SLC2A12: variants seen among roughly 807,000 people sequenced by gnomAD.
SLC2A12 encodes the protein solute carrier family 2, facilitated glucose transporter member 12.
SLC2A12 carries 23 observed loss-of-function variants against 41.8 expected under a neutral mutation model. That is an observed-to-expected ratio of 0.55 (90% confidence interval 0.40 to 0.78). The LOEUF (loss-of-function observed/expected upper bound fraction) is 0.78. Ranked by LOEUF, SLC2A12 falls within the 30% of genes least tolerant of loss-of-function variation. SLC2A12 has a pLI of 0.00. For synonymous variants in SLC2A12, 295 were observed against 285.9 expected (o/e 1.03, Z -0.32); for missense variants, 654 against 745.6 (o/e 0.88, Z 1.43).
At chr6:134,051,885 T>C (rs1773688868) in intron 1 of SLC2A12, among the ~76,000 whole-genome samples, 1 of 152,216 alleles carries the variant, frequency 6.6e-6, no homozygotes, top group South Asian at 2.1e-4. Context: ...AATAATTTTA[T>C]GAAGCCTGTT....
chr6:134,041,579 A>T (rs995517588), intron 1 of SLC2A12, among the ~76,000 whole-genome samples: 14 of 131,210 alleles, frequency 1.1e-4, no homozygotes, highest in African/African-American at 3.6e-4. Flanking sequence ...AGAAATTCTG[A>T]CCCTCAGAGA....
In SLC2A12 at chr6:133,997,933, C is replaced by T. The variant is rs982606999; in HGVS notation, c.1700+4064G>A. ...AAAATGTAAAATTGTTTTGCCATCT[C>T]ATCTTTCATAATTGCCTTTATTTTT... On this transcript the variant is annotated intron_variant, in intron 4 of 4. Transcript: ENST00000275230. 2.6e-5 allele frequency among the ~76,000 whole-genome samples: 4 copies of T among 152,184 alleles called. No individual in the cohort carries two copies. The East Asian group carries it at 7.7e-4, about 29-fold the overall frequency.
rs1562199812 is a variant in SLC2A12, at chr6:134,028,717, T to C, written c.1108A>G (p.Met370Val). Reference sequence around the variant, plus strand: ...CTTCTGCAGATATGGGTGAAGTTCATGTGGATGTTGAGATTTACGATGCCC... The same window carrying C: ...CTTCTGCAGATATGGGTGAAGTTCACGTGGATGTTGAGATTTACGATGCCC... The part of the protein sequence containing the change: ...TMGIVNLNIH[M>V]NFTHICRSHN... The change falls in exon 2 of 5, where the codon ATG becomes GTG. Residue 370 changes from methionine to valine, a missense_variant. Physicochemically the swap from Met to Val is conservative, Grantham distance 21. This residue lies in a region of SLC2A12 where 411 missense variants were observed against 412.1 expected (regional missense o/e 1.00). Coordinates refer to ENST00000275230, the MANE Select transcript of SLC2A12 (RefSeq NM_145176.3). 1 of 1,614,162 alleles carries C rather than the reference T, an allele frequency of 6.2e-7. No individual in the cohort carries two copies. Among genetic ancestry groups the C allele is most frequent in the Non-Finnish European group, 8.5e-7 (1 of 1,180,012 alleles).
chr6:133,998,336 G>A (rs229904), intron 4 of SLC2A12, among the ~76,000 whole-genome samples: 119,496 of 152,146 alleles, frequency 0.79, 47,343 homozygotes, highest in East Asian at 0.91. Context: ...ATACAATCTG[G>A]CAACCCTATA....
chr6:133,996,414 T>C (rs1776686901), intron 4 of SLC2A12, among the ~76,000 whole-genome samples: 1 of 152,252 alleles, frequency 6.6e-6, no homozygotes, highest in African/African-American at 2.4e-5. Context: ...CAAATTACAT[T>C]ATTGCAGAAA....
intron 2 of SLC2A12, among the ~76,000 whole-genome samples, chr6:134,011,183 G>T (rs980891045): frequency 6.6e-6 from 1 of 152,138 alleles, no homozygotes; most frequent in Non-Finnish European, 1.5e-5. Flanking sequence ...GGTTTTTATT[G>T]CCTTTGTAAG....
chr6:133,988,408 C>T lies in SLC2A12; in HGVS notation c.*2747G>A, dbSNP rs145764078. ...AAAGCTGAGTGGAGAGTCCAATTAG[C>T]TTCTCAGGAGAAACTTAATGGGGAC... On this transcript the variant is annotated 3_prime_UTR_variant, in exon 5 of 5. Coordinates refer to ENST00000275230, the MANE Select transcript of SLC2A12 (RefSeq NM_145176.3). 8 of 152,264 alleles carry T rather than the reference C, an allele frequency of 5.3e-5. No homozygotes were observed. In the East Asian group the frequency reaches 1.5e-3, roughly 29 times the overall value. 9.4% of individuals were successfully genotyped at this position (152,264 alleles called of 1,614,324 possible). A position where few individuals can be genotyped will look rare whatever the true frequency, so the allele number is the denominator to read the frequency against.
chr6:134,036,307 G>A (rs1322733703), intron 1 of SLC2A12, among the ~76,000 whole-genome samples: 1 of 152,004 alleles, frequency 6.6e-6, no homozygotes, highest in African/African-American at 2.4e-5. Context: ...AAATGGCCTT[G>A]CAGCTATGGC....
chr6:134,038,125 A>C (rs1370275535), intron 1 of SLC2A12, among the ~76,000 whole-genome samples: 2 of 152,200 alleles, frequency 1.3e-5, no homozygotes, highest in African/African-American at 4.8e-5. Context: ...GAAAAAATAT[A>C]GAAATGTTGC....
At chr6:134,013,119 A>G (rs1279369562) in intron 2 of SLC2A12, among the ~76,000 whole-genome samples, 1 of 152,046 alleles carries the variant, frequency 6.6e-6, no homozygotes, top group African/African-American at 2.4e-5. Flanking sequence ...CCCATCATAC[A>G]TCTCTCAAAA....
chr6:133,991,111 C>T lies in SLC2A12; in HGVS notation c.*44G>A. The T allele has an allele frequency of 6.3e-7, 1 of 1,578,532 alleles. No individual in the cohort carries two copies. The highest frequency in any genetic ancestry group is 8.6e-7 in the Non-Finnish European group (1 of 1,165,668). On this transcript the variant is annotated 3_prime_UTR_variant, in exon 5 of 5. Coordinates refer to ENST00000275230, the MANE Select transcript of SLC2A12 (RefSeq NM_145176.3). ...TATGCATTGGTCCAAAGACACCCTC[C>T]TAAGTGTTCTGGCACTATCCACGTT... is the stretch of plus-strand genomic sequence containing the variant.
At chr6:134,003,640 G>A (rs948425601) in intron 3 of SLC2A12, among the ~76,000 whole-genome samples, 7 of 152,136 alleles carry the variant, frequency 4.6e-5, no homozygotes, top group African/African-American at 1.7e-4. Context: ...CCTCCTCTGA[G>A]AATCCCCTTG....
In SLC2A12 at chr6:134,035,151, CAAA is replaced by C. The variant is rs71003662; in HGVS notation, c.104-5433_104-5431del. Among the ~76,000 whole-genome samples, 680 of 107,832 alleles carry C rather than the reference CAAA, an allele frequency of 6.3e-3. 4 individuals carry two copies. The highest frequency in any genetic ancestry group is 0.021 in the African/African-American group (642 of 30,486). 70.7% of individuals were successfully genotyped at this position (107,832 alleles called of 152,430 possible). On this transcript the variant is annotated intron_variant, in intron 1 of 4. Transcript: ENST00000275230. ...ATAGGAAAGGCCGCTGGCTGCCTGA[CAAA>C]AAAAAAAAAAAAAAAAAAAACTGTG...
At chr6:134,023,204 A>G (rs1777068389) in intron 2 of SLC2A12, among the ~76,000 whole-genome samples, 1 of 152,122 alleles carries the variant, frequency 6.6e-6, no homozygotes, top group Non-Finnish European at 1.5e-5. Flanking sequence ...TGGAGGATGG[A>G]TGGGTGTGAG....
intron 1 of SLC2A12, among the ~76,000 whole-genome samples, chr6:134,037,887 G>A (rs1777325402): frequency 6.6e-6 from 1 of 152,172 alleles, no homozygotes; most frequent in South Asian, 2.1e-4. Flanking sequence ...GTCCCAGGGA[G>A]AGTTCTGGTG....
intron 1 of SLC2A12, among the ~76,000 whole-genome samples, chr6:134,030,821 A>G (rs527790715): frequency 1.4e-4 from 21 of 152,220 alleles, no homozygotes; most frequent in Non-Finnish European, 2.6e-4. Context: ...TGTCGGTCAC[A>G]GTGATGACTT....
Position 133,998,696 on chromosome 6 carries a change from A to G in SLC2A12, c.1700+3301T>C, listed in dbSNP as rs566273646. 1.3e-4 allele frequency among the ~76,000 whole-genome samples: 20 copies of G among 152,290 alleles called. No homozygotes were observed. The East Asian group carries it at 1.4e-3, about 10-fold the overall frequency. On this transcript the variant is annotated intron_variant, in intron 4 of 4. Transcript: ENST00000275230. ...GCTGGGACTACAGGCGCAAGCCACCATGCCCAGCTAATATTTTGTGTTTTT... is the reference window on the plus strand; with the variant it reads ...GCTGGGACTACAGGCGCAAGCCACCGTGCCCAGCTAATATTTTGTGTTTTT...
At chr6:134,048,793 C>T (rs925303827) in intron 1 of SLC2A12, among the ~76,000 whole-genome samples, 2 of 152,108 alleles carry the variant, frequency 1.3e-5, no homozygotes, top group African/African-American at 4.8e-5. Flanking sequence ...CCTGGGTCTG[C>T]CCAAGGTAAC....
Position 134,021,593 on chromosome 6 carries a change from C to T in SLC2A12, c.1444+6788G>A, listed in dbSNP as rs116886929. ...TTAGATCATCTGATGTGCACCTGTA[C>T]TCTAGGAGATAGGACAGATATTACT... On this transcript the variant is annotated intron_variant, in intron 2 of 4. Coordinates refer to ENST00000275230, the MANE Select transcript of SLC2A12 (RefSeq NM_145176.3). 8.8e-3 allele frequency among the ~76,000 whole-genome samples: 1,341 copies of T among 152,296 alleles called. 8 individuals are homozygous for T. Among genetic ancestry groups the T allele is most frequent in the Non-Finnish European group, 0.014 (962 of 68,030 alleles).
Sources: gnomAD v4.1 joint callset for allele counts (sites outside exome capture counted in the v4.1 genomes callset) on GRCh38, gnomAD v4.1.1 for gene constraint, gnomAD v4.1.1 regional missense constraint, MANE v1.5 for transcripts, NCBI Gene and HGNC (gene_info 2026-07-23, HGNC 2026-07-21) for gene names.